Variants in MRI1 observed in about 807,000 individuals in gnomAD.
The protein encoded by MRI1 is methylthioribose-1-phosphate isomerase.
A neutral mutation model predicts 27.3 loss-of-function variants in MRI1; 32 were observed. That is an observed-to-expected ratio of 1.17 (90% CI 0.88 to 1.57). The LOEUF is 1.57. Among genes scored for constraint, MRI1 ranks in the 40% most tolerant of loss-of-function variants. MRI1 has a pLI of 0.00. For missense variants in MRI1, 508 were observed against 516.1 expected (o/e 0.98, Z 0.15); for synonymous variants, 216 against 227.4 (o/e 0.95, Z 0.45).
rs1974302773 is a variant in MRI1, at chr19:13,773,012, T to TG, written c.*734dup. On this transcript the variant is annotated 3_prime_UTR_variant, in exon 6 of 6. Coordinates refer to ENST00000040663, the MANE Select transcript of MRI1 (RefSeq NM_001031727.4). ...AATATTTTAAAGCAATATTTTGTTT[T>TG]GGGTTTTTTTTTTTTGAGATCAAGT... The TG allele has an allele frequency of 7.7e-6, 1 of 129,786 alleles. No homozygotes were observed. The highest frequency in any genetic ancestry group is 7.5e-5 in the Admixed American group (1 of 13,390). 8.0% of individuals were successfully genotyped at this position (129,786 alleles called of 1,614,324 possible).
intron 5 of MRI1, among the ~76,000 whole-genome samples, chr19:13,770,131 T>C (rs1358484030): frequency 6.6e-6 from 1 of 152,172 alleles, no homozygotes; most frequent in Admixed American, 6.5e-5. Flanking sequence ...CTATACTTCC[T>C]GGCTGTGCAA....
Position 13,772,258 on chromosome 19 carries a change from A to G in MRI1, c.1087A>G (p.Thr363Ala), listed in dbSNP as rs1421678448. 2 of 1,613,682 alleles carry G rather than the reference A, an allele frequency of 1.2e-6. No individual in the cohort carries two copies. The highest frequency in any genetic ancestry group is 2.7e-5 in the African/African-American group (2 of 74,896). Residue 363 changes from threonine to alanine, a missense_variant, in exon 6 of 6, where the codon ACC becomes GCC. By Grantham distance (58) the Thr-to-Ala change is moderately conservative. Transcript: ENST00000040663. ...LTTTISSRDG[T>A]LDGPQM ...CACCACCATCTCTTCCAGGGATGGA[A>G]CCCTAGATGGACCCCAGATGTAACC... is the stretch of plus-strand genomic sequence containing the variant.
At position 13,772,114 on chromosome 19, in the gene MRI1, C is replaced by T. The variant is rs2145206135; in HGVS notation, c.950-7C>T. On this transcript the variant is annotated splice_region_variant and splice_polypyrimidine_tract_variant and intron_variant, in intron 5 of 5. Transcript: ENST00000040663. ...TTGCCTCCTTGCCTCCCCTCTCTCCCCTGCAGGGATTGGAGTTTGGAATCC... is the reference window on the plus strand; with the variant it reads ...TTGCCTCCTTGCCTCCCCTCTCTCCTCTGCAGGGATTGGAGTTTGGAATCC... 6 of 1,610,296 alleles carry T rather than the reference C, an allele frequency of 3.7e-6. No homozygotes were observed. Among genetic ancestry groups the T allele is most frequent in the Non-Finnish European group, 5.1e-6 (6 of 1,178,042 alleles).
intron 2 of MRI1, 150 bp downstream of exon 2, chr19:13,765,259 G>C (rs1036477052): frequency 1.6e-5 from 10 of 610,368 alleles, no homozygotes; most frequent in African/African-American, 1.9e-5. Context: ...ACTGAGGCAC[G>C]GCGACCTTAA....
intron 2 of MRI1, among the ~76,000 whole-genome samples, chr19:13,765,386 T>G (rs1974099857): frequency 6.6e-6 from 1 of 152,160 alleles, no homozygotes; most frequent in Admixed American, 6.5e-5. Flanking sequence ...TATCCGCCCT[T>G]GGAGGCCCTT....
chr19:13,770,890 A>G (rs1020099689), intron 5 of MRI1, among the ~76,000 whole-genome samples: 3 of 151,636 alleles, frequency 2.0e-5, no homozygotes, highest in African/African-American at 7.3e-5. Context: ...TCTCAAAGAA[A>G]AAAAAGAAAA....
chr19:13,772,432 G>A lies in MRI1; in HGVS notation c.*151G>A, dbSNP rs1398844306. On this transcript the variant is annotated 3_prime_UTR_variant, in exon 6 of 6. Coordinates refer to ENST00000040663, the MANE Select transcript of MRI1 (RefSeq NM_001031727.4). ...TTCCATCTAGAGCCCAGCACCTAGA[G>A]CCAGGCTGCCCAGATTCAAATCCTG... is the stretch of plus-strand genomic sequence containing the variant. 2 of 674,072 alleles carry A rather than the reference G, an allele frequency of 3.0e-6. No individual in the cohort carries two copies. Among genetic ancestry groups the A allele is most frequent in the Non-Finnish European group, 4.8e-6 (2 of 417,152 alleles). The allele number at this position is 674,072 out of a possible 1,614,324, so 41.8% of individuals were successfully genotyped here.
intron 3 of MRI1, among the ~76,000 whole-genome samples, chr19:13,768,199 T>C (rs535501425): frequency 6.6e-6 from 1 of 151,948 alleles, no homozygotes; most frequent in East Asian, 1.9e-4. Flanking sequence ...GTTGAGTCCA[T>C]GGATGGAGAA....
chr19:13,766,451 G>A (rs1048433758), intron 3 of MRI1, among the ~76,000 whole-genome samples: 5 of 152,118 alleles, frequency 3.3e-5, no homozygotes, highest in Admixed American at 3.3e-4. Context: ...ATCTCAGGGG[G>A]TCCACTAGGG....
Position 13,768,957 on chromosome 19 carries a change from C to T in MRI1, c.858C>T (p.Asp286=). Residue 286 remains aspartate (D), a synonymous_variant, in exon 5 of 6, where the codon GAC becomes GAT. Transcript: ENST00000040663. ...TGGCTGCCCCCAGCTCTTCATGTGACCTCCGTCTGGAGACCGGCAAGGAGA... is the reference window on the plus strand; with the variant it reads ...TGGCTGCCCCCAGCTCTTCATGTGATCTCCGTCTGGAGACCGGCAAGGAGA... ...FYVAAPSSSC[D]LRLETGKEII... 3.1e-6 allele frequency: 5 copies of T among 1,614,142 alleles called. No individual in the cohort carries two copies. Among genetic ancestry groups the T allele is most frequent in the Non-Finnish European group, 3.4e-6 (4 of 1,180,016 alleles).
At chr19:13,769,124 T>G in intron 5 of MRI1, 76 bp downstream of exon 5, 1 of 1,261,086 alleles carries the variant, frequency 7.9e-7, no homozygotes, top group Non-Finnish European at 1.1e-6. Context: ...CAGGTCCTTG[T>G]CATCCTTCTG....
Position 13,764,616 on chromosome 19 carries a change from C to A in MRI1, c.28C>A (p.Arg10=). ...GACCCTGGAGGCGATCCGCTACTCGCGGGGCTCCCTGCAGATCCTAGACCA... is the reference window on the plus strand; with the variant it reads ...GACCCTGGAGGCGATCCGCTACTCGAGGGGCTCCCTGCAGATCCTAGACCA... MTLEAIRYS[R]GSLQILDQLL... Residue 10 remains arginine, a synonymous_variant, in exon 1 of 6, where the codon CGG becomes AGG. Coordinates refer to ENST00000040663, the MANE Select transcript of MRI1 (RefSeq NM_001031727.4). 3 of 1,609,644 alleles carry A rather than the reference C, an allele frequency of 1.9e-6. No individual in the cohort carries two copies. Among genetic ancestry groups the A allele is most frequent in the Non-Finnish European group, 8.5e-7 (1 of 1,179,290 alleles).
chr19:13,766,214 T>C, intron 3 of MRI1, 85 bp downstream of exon 3: 3 of 1,299,860 alleles, frequency 2.3e-6, no homozygotes, highest in Non-Finnish European at 2.1e-6. Context: ...CCCAAACCAC[T>C]TTATCCACAA....
intron 2 of MRI1, among the ~76,000 whole-genome samples, chr19:13,765,743 TG>T (rs1308494889): frequency 4.6e-5 from 7 of 152,244 alleles, no homozygotes; most frequent in African/African-American, 1.7e-4. Flanking sequence ...TCTTGTTTAC[TG>T]CTGGGTCATA....
At chr19:13,769,157 C>T in intron 5 of MRI1, 109 bp downstream of exon 5, 1 of 939,208 alleles carries the variant, frequency 1.1e-6, no homozygotes, top group Non-Finnish European at 1.6e-6. Context: ...CTCCTACAAG[C>T]CACTTTTTCT....
At chr19:13,769,881 T>C (rs1395266005) in intron 5 of MRI1, among the ~76,000 whole-genome samples, 1 of 151,456 alleles carries the variant, frequency 6.6e-6, no homozygotes, top group African/African-American at 2.4e-5. Context: ...GATTACACCA[T>C]TGCACTCCAG....
At chr19:13,766,547 A>T (rs1451309189) in intron 3 of MRI1, among the ~76,000 whole-genome samples, 1 of 152,076 alleles carries the variant, frequency 6.6e-6, no homozygotes, top group Non-Finnish European at 1.5e-5. Context: ...CTCCAGGAGG[A>T]ACTGGGGAGA....
rs1248578809 is a variant in MRI1 at position 13,768,922 on chromosome 19, C to T, written c.823C>T (p.Pro275Ser). The T allele has an allele frequency of 6.2e-7, 1 of 1,614,160 alleles. No homozygotes were observed. Among genetic ancestry groups the T allele is most frequent in the East Asian group, 2.2e-5 (1 of 44,886 alleles). The change falls in exon 5 of 6, where the codon CCC (proline) becomes TCC (serine). Residue 275 changes from proline to serine, a missense_variant. This residue lies in a region of MRI1 where 457 missense variants were observed against 452.8 expected (regional missense o/e 1.01). Transcript: ENST00000040663. ...CATTGTCGCCAAGCACCATGGCATT[C>T]CCTTCTACGTGGCTGCCCCCAGCTC... ...LAIVAKHHGI[P>S]FYVAAPSSSC...
At chr19:13,766,950 G>A (rs759369451) in intron 3 of MRI1, among the ~76,000 whole-genome samples, 2 of 143,404 alleles carry the variant, frequency 1.4e-5, no homozygotes, top group African/African-American at 2.6e-5. Context: ...AAAATCCATG[G>A]ATGCTCAAGT....
Sources: gnomAD v4.1 joint callset for allele counts (sites outside exome capture counted in the v4.1 genomes callset) on GRCh38, gnomAD v4.1.1 for gene constraint, gnomAD v4.1.1 regional missense constraint, MANE v1.5 for transcripts, NCBI Gene and HGNC (gene_info 2026-07-23, HGNC 2026-07-21) for gene names.